LIPA: variants seen among roughly 807,000 people sequenced by gnomAD.
The protein encoded by LIPA is lipase A, lysosomal acid type, also known as lysosomal acid lipase/cholesteryl ester hydrolase.
Under a neutral mutation model 40.6 loss-of-function variants are expected in LIPA, and 26 were observed. That is an observed-to-expected ratio of 0.64 (90% CI 0.47 to 0.89). The LOEUF is 0.89. Among genes scored for constraint, LIPA ranks in the 40% least tolerant of loss-of-function variants. The pLI, the probability that LIPA is intolerant of heterozygous loss-of-function variation, is 0.00. For synonymous variants in LIPA, 188 were observed against 168.4 expected, an observed-to-expected ratio of 1.12 and a Z score of -0.90; for missense variants, 455 against 479.6, an observed-to-expected ratio of 0.95 and a Z score of 0.48.
At chr10:89,328,203 T>C in intron 1 of LIPA, 3 of 981,112 alleles carry the variant, frequency 3.1e-6, no homozygotes, top group Non-Finnish European at 4.8e-6. Flanking sequence ...TCTTTATCAG[T>C]CTGAGCATTT....
intron 1 of LIPA, chr10:89,306,895 G>A (rs1323649251): frequency 6.2e-7 from 1 of 1,614,008 alleles, no homozygotes; most frequent in South Asian, 1.1e-5. Flanking sequence ...GAAAGTTACT[G>A]GAACTAATAG....
chr10:89,307,385 A>C, intron 1 of LIPA: 2 of 1,581,136 alleles, frequency 1.3e-6, no homozygotes, highest in Non-Finnish European at 1.7e-6. Flanking sequence ...AAGAATAGAG[A>C]TGTGGTGCCC....
At chr10:89,292,467 C>G (rs1843380079) in intron 1 of LIPA, 1 of 152,226 alleles carries the variant, frequency 6.6e-6, no homozygotes, top group Non-Finnish European at 1.5e-5. Flanking sequence ...GAACAGACCA[C>G]TTTCAGGTGA....
At chr10:89,326,181 G>A (rs1421437780) in intron 1 of LIPA, among the ~76,000 whole-genome samples, 2 of 152,178 alleles carry the variant, frequency 1.3e-5, no homozygotes, top group African/African-American at 4.8e-5. Context: ...AGATTTGGAA[G>A]CAACCTAAGT....
rs112537528 is a variant in LIPA, at chr10:89,384,497, A to G, written c.61+28294T>C. Reference sequence around the variant, plus strand: ...TTCCAAGAACATCATGGGAAATCTCAAGATAAAGCAATTACCCATTATTTA... The same window carrying G: ...TTCCAAGAACATCATGGGAAATCTCGAGATAAAGCAATTACCCATTATTTA... On this transcript the variant is annotated intron_variant, in intron 2 of 8. Transcript: ENST00000371837. The G allele has an allele frequency of 5.0e-6, 8 of 1,606,950 alleles. No individual in the cohort carries two copies. The African/African-American group carries it at 1.1e-4, about 21-fold the overall frequency.
intron 3 of LIPA, among the ~76,000 whole-genome samples, chr10:89,233,652 C>T (rs1231972461): frequency 6.6e-6 from 1 of 152,176 alleles, no homozygotes; most frequent in Non-Finnish European, 1.5e-5. Flanking sequence ...GTAATCCCAG[C>T]ATTTTGGGAG....
intron 2 of LIPA, chr10:89,362,756 G>C (rs552119756): frequency 9.7e-6 from 7 of 720,866 alleles, no homozygotes; most frequent in Admixed American, 5.1e-5. Context: ...GGGCCTTGGC[G>C]AAGTGTGGAG....
At chr10:89,301,937 A>T in intron 1 of LIPA, 1 of 513,228 alleles carries the variant, frequency 1.9e-6, no homozygotes, top group Non-Finnish European at 3.5e-6. Context: ...AGTCCTGCCA[A>T]TTTCACTTTC....
chr10:89,247,257 A>G (rs1263225128), intron 2 of LIPA, among the ~76,000 whole-genome samples: 1 of 151,846 alleles, frequency 6.6e-6, no homozygotes, highest in Admixed American at 6.6e-5. Context: ...CTGTAGTCCC[A>G]GCTACTTGGG....
Position 89,231,544 on chromosome 10 carries a change from G to T in LIPA, c.230-3146C>A, listed in dbSNP as rs906769538. On this transcript the variant is annotated intron_variant, in intron 3 of 9. Transcript: ENST00000336233. ...TAGACTGGAGTGCAGTGGCATGACTGCTCACTGCAGCCTCAAACTCCTGGA... is the reference window on the plus strand; with the variant it reads ...TAGACTGGAGTGCAGTGGCATGACTTCTCACTGCAGCCTCAAACTCCTGGA... Among the ~76,000 whole-genome samples, 10 of 151,922 alleles carry T rather than the reference G, an allele frequency of 6.6e-5. No individual in the cohort carries two copies. In the South Asian group the frequency reaches 1.7e-3, roughly 25 times the overall value.
intron 2 of LIPA, among the ~76,000 whole-genome samples, chr10:89,347,890 T>C (rs1463420035): frequency 6.6e-6 from 1 of 152,186 alleles, no homozygotes; most frequent in African/African-American, 2.4e-5. Flanking sequence ...AGGACATGCA[T>C]GGCAGCCCAA....
At chr10:89,298,614 A>G (rs1311526860) in intron 1 of LIPA, among the ~76,000 whole-genome samples, 3 of 152,232 alleles carry the variant, frequency 2.0e-5, no homozygotes, top group African/African-American at 4.8e-5. Flanking sequence ...AGCATGTAAA[A>G]GCAAGGAAAT....
At position 89,294,062 on chromosome 10, in the gene LIPA, C is replaced by T. The variant is rs533891903; in HGVS notation, c.-1-46413G>A. 4.4e-4 allele frequency among the ~76,000 whole-genome samples: 67 copies of T among 152,184 alleles called. 1 individual carries two copies. The highest frequency in any genetic ancestry group is 1.5e-3 in the African/African-American group (62 of 41,516). On this transcript the variant is annotated intron_variant, in intron 1 of 5. Coordinates refer to the LIPA transcript ENST00000282673. ...TCTCAGTAAGTATTGATTTGATGAACGAATGGTGAATGAATGAATGAAACA... is the reference window on the plus strand; with the variant it reads ...TCTCAGTAAGTATTGATTTGATGAATGAATGGTGAATGAATGAATGAAACA...
chr10:89,263,806 T>G (rs1469740736), intron 1 of LIPA, among the ~76,000 whole-genome samples: 2 of 152,196 alleles, frequency 1.3e-5, no homozygotes, highest in Admixed American at 6.5e-5. Context: ...AAGCCAGGTG[T>G]AGAGTGGTGA....
chr10:89,324,686 G>T (rs184885630), intron 1 of LIPA, among the ~76,000 whole-genome samples: 3 of 152,124 alleles, frequency 2.0e-5, no homozygotes, highest in Admixed American at 2.0e-4. Flanking sequence ...AAAGCAAACA[G>T]CTCCATTAAA....
At chr10:89,316,443 C>A (rs1437064085) in intron 1 of LIPA, among the ~76,000 whole-genome samples, 1 of 152,226 alleles carries the variant, frequency 6.6e-6, no homozygotes, top group Non-Finnish European at 1.5e-5. Flanking sequence ...TCAGAGGGTC[C>A]CATGCCCAGG....
At chr10:89,392,213 A>T (rs945179200) in intron 2 of LIPA, among the ~76,000 whole-genome samples, 11 of 152,230 alleles carry the variant, frequency 7.2e-5, no homozygotes, top group African/African-American at 2.7e-4. Context: ...GTAGATTTTT[A>T]TATTTGATAG....
chr10:89,289,068 A>G (rs545463700), intron 1 of LIPA, among the ~76,000 whole-genome samples: 34 of 152,374 alleles, frequency 2.2e-4, no homozygotes, highest in Non-Finnish European at 4.1e-4. Flanking sequence ...AGAAGCAGCT[A>G]GCATTCCAAC....
intron 2 of LIPA, 96 bp from the exon 3 acceptor site, chr10:89,245,889 G>C: frequency 1.3e-6 from 1 of 783,756 alleles, no homozygotes. Flanking sequence ...TGTTCTCCAG[G>C]CTTTAAGAAA....
Sources: gnomAD v4.1 joint callset for allele counts (sites outside exome capture counted in the v4.1 genomes callset) on GRCh38, gnomAD v4.1.1 for gene constraint, MANE v1.5 for transcripts, NCBI Gene and HGNC (gene_info 2026-07-23, HGNC 2026-07-21) for gene names.